Variants in ADAMTS16 observed in about 807,000 individuals in gnomAD.
ADAMTS16 encodes the protein ADAM metallopeptidase with thrombospondin type 1 motif 16, also known as A disintegrin and metalloproteinase with thrombospondin motifs 16.
ADAMTS16 carries 94 observed loss-of-function variants against 145.8 expected under a neutral mutation model. That is an observed-to-expected ratio of 0.64 (90% CI 0.55 to 0.77). ADAMTS16 has a LOEUF of 0.77. Ranked by LOEUF, ADAMTS16 falls within the 30% of genes least tolerant of loss-of-function variation. The probability of loss-of-function intolerance (pLI) is 0.00; values close to 1 mark genes in which losing one functional copy is unlikely to be tolerated. For synonymous variants in ADAMTS16, 659 were observed against 604.3 expected (o/e 1.09, Z -1.33); for missense variants, 1,585 against 1,591.5 (o/e 1.00, Z 0.07).
intron 18 of ADAMTS16, among the ~76,000 whole-genome samples, chr5:5,300,276 G>A (rs1017379519): frequency 3.9e-5 from 6 of 152,140 alleles, no homozygotes; most frequent in African/African-American, 1.4e-4. Flanking sequence ...GCACACAGAA[G>A]CGGCAACAGA....
At chr5:5,230,933 T>C (rs537820818) in intron 11 of ADAMTS16, among the ~76,000 whole-genome samples, 1 of 152,368 alleles carries the variant, frequency 6.6e-6, no homozygotes, top group South Asian at 2.1e-4. Flanking sequence ...TTTCAGTTAT[T>C]CAACCTGTTG....
rs1734120198 is a variant in ADAMTS16, at chr5:5,317,936, G to C, written c.3412-198G>C. On this transcript the variant is annotated intron_variant, in intron 21 of 22. Coordinates refer to ENST00000274181, the MANE Select transcript of ADAMTS16 (RefSeq NM_139056.4). The surrounding 1 kb of genome is among the most constrained non-coding windows in gnomAD (Gnocchi z 4.5). ...CTGGCCCAGCACATGCCTGGTGCTT[G>C]CTTCTGGAAAAGGTGAGCAGGGACC... is the stretch of plus-strand genomic sequence containing the variant. Among the ~76,000 whole-genome samples the C allele has an allele frequency of 6.6e-6, 1 of 152,232 alleles. No homozygotes were observed. The highest frequency in any genetic ancestry group is 1.5e-5 in the Non-Finnish European group (1 of 68,034).
At chr5:5,299,272 AAGGGAGGGCTC>A (rs1553999623) in intron 18 of ADAMTS16, among the ~76,000 whole-genome samples, 3 of 152,202 alleles carry the variant, frequency 2.0e-5, no homozygotes, top group Non-Finnish European at 1.5e-5. Flanking sequence ...TAAATTCTAA[AAGGGAGGGCTC>A]AGGGAGACTT....
intron 4 of ADAMTS16, among the ~76,000 whole-genome samples, chr5:5,184,810 C>T (rs963765123): frequency 2.0e-5 from 3 of 152,052 alleles, no homozygotes; most frequent in Non-Finnish European, 4.4e-5. Context: ...GTTTCTGACC[C>T]CTGCCCCCAA....
intron 18 of ADAMTS16, among the ~76,000 whole-genome samples, chr5:5,301,837 G>A (rs1198077253): frequency 3.9e-5 from 6 of 152,190 alleles, no homozygotes; most frequent in Non-Finnish European, 8.8e-5. Context: ...CCCCTGTCCT[G>A]GGTTCTCAGC....
chr5:5,241,089 G>T (rs1265662530), intron 16 of ADAMTS16, among the ~76,000 whole-genome samples: 1 of 152,034 alleles, frequency 6.6e-6, no homozygotes, highest in Non-Finnish European at 1.5e-5. Flanking sequence ...CACAACATCA[G>T]CACCACTGAG....
intron 17 of ADAMTS16, among the ~76,000 whole-genome samples, chr5:5,259,027 G>A (rs1238452219): frequency 1.3e-5 from 2 of 152,106 alleles, no homozygotes; most frequent in Non-Finnish European, 2.9e-5. Context: ...GGCATTTGGG[G>A]CACATTGTTG....
intron 3 of ADAMTS16, among the ~76,000 whole-genome samples, chr5:5,163,779 A>G (rs1012543804): frequency 2.0e-4 from 30 of 152,334 alleles, no homozygotes; most frequent in African/African-American, 5.8e-4. Context: ...CAGTAATAAC[A>G]AACTCCACTT....
chr5:5,176,497 G>A (rs1391049496), intron 3 of ADAMTS16, among the ~76,000 whole-genome samples: 2 of 152,124 alleles, frequency 1.3e-5, no homozygotes, highest in Non-Finnish European at 2.9e-5. Flanking sequence ...AATTAAATGA[G>A]TATTAAATAC....
chr5:5,263,923 G>A (rs543515534), intron 18 of ADAMTS16, among the ~76,000 whole-genome samples: 22 of 152,260 alleles, frequency 1.4e-4, no homozygotes, highest in East Asian at 1.2e-3. Context: ...ACCACTGAAG[G>A]ATGGTGAGGG....
Position 5,219,111 on chromosome 5 carries a change from A to AC in ADAMTS16, c.1606-3671dup, listed in dbSNP as rs200887988. The stretch of plus-strand genomic sequence containing the variant: ...CCTGAGTGTGGAGCCCTCTCCAGGG[A>AC]CCCCCCCTTCTCTACTCAGCAACTC... On this transcript the variant is annotated intron_variant, in intron 10 of 22. Transcript: ENST00000274181. 5.0e-3 allele frequency among the ~76,000 whole-genome samples: 758 copies of AC among 150,942 alleles called. 5 individuals are homozygous for AC. The highest frequency in any genetic ancestry group is 0.017 in the African/African-American group (710 of 41,098).
intron 11 of ADAMTS16, among the ~76,000 whole-genome samples, chr5:5,229,077 T>A (rs1433733007): frequency 1.3e-5 from 2 of 151,924 alleles, no homozygotes; most frequent in African/African-American, 4.8e-5. Context: ...GGCGGGTGGA[T>A]CACGAGGTCA....
At chr5:5,213,210 T>C (rs34919772) in intron 10 of ADAMTS16, among the ~76,000 whole-genome samples, 36,995 of 152,184 alleles carry the variant, frequency 0.24, 5,795 homozygotes, top group East Asian at 0.65. Context: ...TTTATATTTA[T>C]TGTTTAGTAT....
intron 18 of ADAMTS16, among the ~76,000 whole-genome samples, chr5:5,271,358 T>TCCAGGA (rs1249527940): frequency 1.3e-5 from 2 of 152,218 alleles, no homozygotes; most frequent in African/African-American, 4.8e-5. Flanking sequence ...CAGTGGCTCC[T>TCCAGGA]CCAGGACCGG....
intron 17 of ADAMTS16, among the ~76,000 whole-genome samples, chr5:5,255,375 A>G (rs950511482): frequency 1.3e-5 from 2 of 152,260 alleles, no homozygotes; most frequent in African/African-American, 4.8e-5. Flanking sequence ...TTACAAAATA[A>G]ATAGAGAGAT....
chr5:5,232,760 G>A lies in ADAMTS16; in HGVS notation c.1850+244G>A, dbSNP rs1355739249. 3.3e-5 allele frequency among the ~76,000 whole-genome samples: 5 copies of A among 151,590 alleles called. No homozygotes were observed. In the East Asian group the frequency reaches 5.8e-4, roughly 18 times the overall value. ...CTGGGACTATAGGTGCCACCACCACGCCCTCCTAATTTTTGTATTTCTAGT... is the reference window on the plus strand; with the variant it reads ...CTGGGACTATAGGTGCCACCACCACACCCTCCTAATTTTTGTATTTCTAGT... On this transcript the variant is annotated intron_variant, in intron 12 of 22. Coordinates refer to ENST00000274181, the MANE Select transcript of ADAMTS16 (RefSeq NM_139056.4).
intron 18 of ADAMTS16, among the ~76,000 whole-genome samples, chr5:5,263,114 T>C (rs531295627): frequency 6.6e-6 from 1 of 152,194 alleles, no homozygotes; most frequent in Non-Finnish European, 1.5e-5. Flanking sequence ...TGTCCACTAG[T>C]GTGTGCTTTT....
chr5:5,194,096 T>C (rs954361842), intron 8 of ADAMTS16, among the ~76,000 whole-genome samples: 2 of 151,772 alleles, frequency 1.3e-5, no homozygotes, highest in Non-Finnish European at 2.9e-5. Context: ...AATGAGACCC[T>C]GTATAAAAAA....
intron 10 of ADAMTS16, among the ~76,000 whole-genome samples, chr5:5,216,033 T>C (rs1409730783): frequency 6.6e-6 from 1 of 151,440 alleles, no homozygotes; most frequent in Non-Finnish European, 1.5e-5. Context: ...GAATAATGAC[T>C]TATTTTCCTC....
Sources: gnomAD v4.1 joint callset for allele counts (sites outside exome capture counted in the v4.1 genomes callset) on GRCh38, gnomAD v4.1.1 for gene constraint, Gnocchi (gnomAD v3.1) non-coding constraint, MANE v1.5 for transcripts, NCBI Gene and HGNC (gene_info 2026-07-23, HGNC 2026-07-21) for gene names.